HIC2: variants seen among roughly 807,000 people sequenced by gnomAD.
HIC2 encodes HIC ZBTB transcriptional repressor 2.
A neutral mutation model predicts 39.5 loss-of-function variants in HIC2; 2 were observed. The observed-to-expected ratio is 0.05, with a 90% CI of 0.02 to 0.16. The LOEUF (loss-of-function observed/expected upper bound fraction) is 0.16. Among genes scored for constraint, HIC2 ranks in the 10% least tolerant of loss-of-function variants. HIC2 has a pLI of 1.00. For missense variants in HIC2, 713 were observed against 863.5 expected, an observed-to-expected ratio of 0.83 and a Z score of 2.18; for synonymous variants, 399 against 368.8, an observed-to-expected ratio of 1.08 and a Z score of -0.94.
intron 2 of HIC2, among the ~76,000 whole-genome samples, chr22:21,443,296 C>T (rs1386178985): frequency 6.6e-5 from 10 of 152,216 alleles, no homozygotes; most frequent in African/African-American, 9.7e-5. Flanking sequence ...CTCTGAGTGC[C>T]AGCGGTGTTC....
rs1057295100 is a variant in HIC2 at position 21,446,327 on chromosome 22, G to A, written c.1432G>A (p.Glu478Lys). The change falls in exon 3 of 3, where the codon GAG becomes AAG. Residue 478 changes from glutamate (E) to lysine (K), a missense_variant. By Grantham distance (56) the Glu-to-Lys change is moderately conservative. Coordinates refer to ENST00000407464, the MANE Select transcript of HIC2 (RefSeq NM_015094.3). Reference sequence around the variant, plus strand: ...GTTCATCAAGGAAGAGGGGGCCTACGAGACAGGCAGTGGGGGTGCCGAGGA... The same window carrying A: ...GTTCATCAAGGAAGAGGGGGCCTACAAGACAGGCAGTGGGGGTGCCGAGGA... ...ELFIKEEGAY[E>K]TGSGGAEEEA... 2.2e-5 allele frequency: 36 copies of A among 1,613,122 alleles called. No individual in the cohort carries two copies. Among genetic ancestry groups the A allele is most frequent in the Middle Eastern group, 1.6e-4 (1 of 6,078 alleles).
intron 2 of HIC2, among the ~76,000 whole-genome samples, 155 bp downstream of exon 2, chr22:21,443,012 C>T (rs1923601395): frequency 6.6e-6 from 1 of 152,026 alleles, no homozygotes; most frequent in African/African-American, 2.4e-5. Flanking sequence ...AGGCCACTGC[C>T]CTCTTCCAGT....
chr22:21,444,811 T>G (rs1218234914), intron 2 of HIC2, 111 bp from the exon 3 acceptor site: 1 of 1,215,700 alleles, frequency 8.2e-7, no homozygotes, highest in Non-Finnish European at 1.1e-6. Context: ...GCTCCTGCCC[T>G]ATGTGGGGTC....
rs2148343414 is a variant in HIC2 at position 21,445,982 on chromosome 22, G to A, written c.1087G>A (p.Gly363Arg). 2 of 1,563,668 alleles carry A rather than the reference G, an allele frequency of 1.3e-6. No homozygotes were observed. The highest frequency in any genetic ancestry group is 1.4e-5 in the African/African-American group (1 of 73,506). Residue 363 changes from glycine (G) to arginine (R), a missense_variant, in exon 3 of 3, where the codon GGA becomes AGA. Coordinates refer to ENST00000407464, the MANE Select transcript of HIC2 (RefSeq NM_015094.3). ...REAGPKGPCP[G>R]EEGEGVGDRV... Reference sequence around the variant, plus strand: ...AGCAGGGCCCAAGGGTCCCTGCCCGGGAGAGGAGGGTGAGGGGGTCGGGGA... The same window carrying A: ...AGCAGGGCCCAAGGGTCCCTGCCCGAGAGAGGAGGGTGAGGGGGTCGGGGA...
intron 2 of HIC2, among the ~76,000 whole-genome samples, chr22:21,443,300 G>A (rs958478880): frequency 1.3e-5 from 2 of 152,170 alleles, no homozygotes. Context: ...GAGTGCCAGC[G>A]GTGTTCCAGG....
In HIC2 at chr22:21,445,455, C is replaced by T. The variant is rs761486610; in HGVS notation, c.560C>T (p.Ala187Val). Residue 187 changes from alanine to valine, a missense_variant, in exon 3 of 3, where the codon GCC becomes GTC. Around this residue, in one of 5 missense-constraint regions of HIC2, gnomAD observed 457 missense variants for 420.2 expected, o/e 1.09. Transcript: ENST00000407464. ...GTGGATGGGCGCAAGGGGGCCCACG[C>T]CCCCCAGGAGCTCCCCCAAGCCAAA... is the stretch of plus-strand genomic sequence containing the variant. ...GLVDGRKGAH[A>V]PQELPQAKGS... is the part of the protein sequence containing the mutation. The T allele has an allele frequency of 9.4e-5, 145 of 1,537,488 alleles. No individual in the cohort carries two copies. Among genetic ancestry groups the T allele is most frequent in the Non-Finnish European group, 2.4e-5 (28 of 1,148,526 alleles).
rs1313828501 is a variant in HIC2, at chr22:21,451,451, G to A, written c.*4708G>A. On this transcript the variant is annotated 3_prime_UTR_variant, in exon 3 of 3. Transcript: ENST00000407464. Reference sequence around the variant, plus strand: ...TTATTTTATGATCTTTTCATTAAAAGCTTGATTGAAAACTCTGGTGTGGGA... The same window carrying A: ...TTATTTTATGATCTTTTCATTAAAAACTTGATTGAAAACTCTGGTGTGGGA... The A allele has an allele frequency of 3.3e-5, 5 of 152,868 alleles. No homozygotes were observed. Among genetic ancestry groups the A allele is most frequent in the African/African-American group, 1.2e-4 (5 of 41,560 alleles). The allele number at this position is 152,868 out of a possible 1,614,324, so 9.5% of individuals were successfully genotyped here.
rs748652423 is a variant in HIC2, at chr22:21,446,626, G to C, written c.1731G>C (p.Thr577=). The C allele has an allele frequency of 6.2e-7, 1 of 1,613,760 alleles. No individual in the cohort carries two copies. Among genetic ancestry groups the C allele is most frequent in the Non-Finnish European group, 8.5e-7 (1 of 1,180,018 alleles). The part of the protein sequence containing the change: ...GMRFTRQYRL[T]EHMRVHSGEK... The stretch of plus-strand genomic sequence containing the variant: ...GCTTCACCCGTCAGTACCGCCTCAC[G>C]GAGCACATGCGTGTGCACTCGGGCG... Residue 577 remains threonine (T), a synonymous_variant, in exon 3 of 3, where the codon ACG becomes ACC. Coordinates refer to ENST00000407464, the MANE Select transcript of HIC2 (RefSeq NM_015094.3).
intron 1 of HIC2, 129 bp downstream of exon 1, chr22:21,417,689 G>T (rs1338137941): frequency 9.6e-5 from 14 of 146,048 alleles, no homozygotes; most frequent in Non-Finnish European, 2.1e-4. Context: ...TGCGCGCGTG[G>T]GGGACGCGCT....
chr22:21,450,825 C>A lies in HIC2; in HGVS notation c.*4082C>A, dbSNP rs1601343550. ...GCATGAGCGGTGGGAACTGAGGCTG[C>A]CCAGGACCCCCTTCCTAGGATGCCC... On this transcript the variant is annotated 3_prime_UTR_variant, in exon 3 of 3. Coordinates refer to ENST00000407464, the MANE Select transcript of HIC2 (RefSeq NM_015094.3). The A allele has an allele frequency of 6.5e-6, 1 of 152,730 alleles. No homozygotes were observed. The highest frequency in any genetic ancestry group is 1.5e-5 in the Non-Finnish European group (1 of 68,044). 9.5% of individuals were successfully genotyped at this position (152,730 alleles called of 1,614,324 possible). A position where few individuals can be genotyped will look rare whatever the true frequency, so the allele number is the denominator to read the frequency against.
At position 21,446,310 on chromosome 22, in the gene HIC2, A is replaced by C; in HGVS notation, c.1415A>C (p.Lys472Thr). 6.2e-7 allele frequency: 1 copy of C among 1,613,288 alleles called. No homozygotes were observed. The highest frequency in any genetic ancestry group is 8.5e-7 in the Non-Finnish European group (1 of 1,179,982). ...ETHTEEELFI[K>T]EEGAYETGSG... ...CACACGGAGGAAGAGCTGTTCATCA[A>C]GGAAGAGGGGGCCTACGAGACAGGC... Residue 472 changes from lysine (K) to threonine (T), a missense_variant, in exon 3 of 3, where the codon AAG (lysine) becomes ACG (threonine). Transcript: ENST00000407464.
At position 21,447,065 on chromosome 22, in the gene HIC2, T is replaced by G; in HGVS notation, c.*322T>G. The G allele has an allele frequency of 6.0e-6, 2 of 334,204 alleles. No individual in the cohort carries two copies. Among genetic ancestry groups the G allele is most frequent in the East Asian group, 5.6e-5 (1 of 17,988 alleles). The allele number at this position is 334,204 out of a possible 1,614,324, so 20.7% of individuals were successfully genotyped here. A position where few individuals can be genotyped will look rare whatever the true frequency, so the allele number is the denominator to read the frequency against. ...CCTGGTCCCTTTGTTGCAGGCGGCT[T>G]GGAGAAAGGGCAGTGGGACGCTGGC... On this transcript the variant is annotated 3_prime_UTR_variant, in exon 3 of 3. Coordinates refer to ENST00000407464, the MANE Select transcript of HIC2 (RefSeq NM_015094.3).
chr22:21,450,050 C>T lies in HIC2; in HGVS notation c.*3307C>T, dbSNP rs970323455. On this transcript the variant is annotated 3_prime_UTR_variant, in exon 3 of 3. Transcript: ENST00000407464. ...GCGGAAGGGGCTGACTGGGTCTGGT[C>T]CTTACCAACATAGACGGTGCAAACA... 3 of 152,776 alleles carry T rather than the reference C, an allele frequency of 2.0e-5. No individual in the cohort carries two copies. Among genetic ancestry groups the T allele is most frequent in the African/African-American group, 7.2e-5 (3 of 41,446 alleles). 9.5% of individuals were successfully genotyped at this position (152,776 alleles called of 1,614,324 possible).
rs1022669191 is a variant in HIC2, at chr22:21,450,326, C to G, written c.*3583C>G. 2 of 152,844 alleles carry G rather than the reference C, an allele frequency of 1.3e-5. No individual in the cohort carries two copies. Among genetic ancestry groups the G allele is most frequent in the African/African-American group, 2.4e-5 (1 of 41,462 alleles). 9.5% of individuals were successfully genotyped at this position (152,844 alleles called of 1,614,324 possible). ...ACCTCAGCCTGTGAAATGAACGATC[C>G]GGACCCTCACCAACTTTCCCCACCT... On this transcript the variant is annotated 3_prime_UTR_variant, in exon 3 of 3. Coordinates refer to ENST00000407464, the MANE Select transcript of HIC2 (RefSeq NM_015094.3).
At position 21,449,443 on chromosome 22, in the gene HIC2, T is replaced by C. The variant is rs1267338420; in HGVS notation, c.*2700T>C. On this transcript the variant is annotated 3_prime_UTR_variant, in exon 3 of 3. Coordinates refer to ENST00000407464, the MANE Select transcript of HIC2 (RefSeq NM_015094.3). ...GAAAAAAGAAAAAAAAATAAGCTCATACCCAAATTCACAAAGCCTATTTTT... is the reference window on the plus strand; with the variant it reads ...GAAAAAAGAAAAAAAAATAAGCTCACACCCAAATTCACAAAGCCTATTTTT... 6.5e-6 allele frequency: 1 copy of C among 152,754 alleles called. No homozygotes were observed. Among genetic ancestry groups the C allele is most frequent in the African/African-American group, 2.4e-5 (1 of 41,448 alleles). The allele number at this position is 152,754 out of a possible 1,614,324, so 9.5% of individuals were successfully genotyped here.
At chr22:21,443,259 G>A (rs907090552) in intron 2 of HIC2, among the ~76,000 whole-genome samples, 2 of 152,162 alleles carry the variant, frequency 1.3e-5, no homozygotes, top group East Asian at 1.9e-4. Context: ...AGCCGCTGGC[G>A]GGTGCTTGCT....
rs1361193353 is a variant in HIC2 at position 21,445,963 on chromosome 22, G to T, written c.1068G>T (p.Gly356=). 2.6e-6 allele frequency: 4 copies of T among 1,564,628 alleles called. No individual in the cohort carries two copies. The highest frequency in any genetic ancestry group is 4.0e-5 in the Admixed American group (2 of 50,260). Residue 356 remains glycine, a synonymous_variant, in exon 3 of 3, where the codon GGG becomes GGT. Transcript: ENST00000407464. ...CCCCCTTTGAGCGGAGAGAAGCAGG[G>T]CCCAAGGGTCCCTGCCCGGGAGAGG... ...AGSPFERREA[G]PKGPCPGEEG...
Position 21,445,581 on chromosome 22 carries a change from G to A in HIC2, c.686G>A (p.Gly229Asp). The stretch of plus-strand genomic sequence containing the variant: ...GCTGGCGGGGAGGCGGGTCTGGGGG[G>A]CTGCAGCAGCAGCACCAACGGGAGC... ...CPAGGEAGLG[G>D]CSSSTNGSSG... Residue 229 changes from glycine (G) to aspartate (D), a missense_variant, in exon 3 of 3, where the codon GGC becomes GAC. This residue lies in a region of HIC2 where 457 missense variants were observed against 420.2 expected (regional missense o/e 1.09). Coordinates refer to ENST00000407464, the MANE Select transcript of HIC2 (RefSeq NM_015094.3). The A allele has an allele frequency of 9.5e-6, 15 of 1,586,926 alleles. No individual in the cohort carries two copies. Among genetic ancestry groups the A allele is most frequent in the Middle Eastern group, 1.7e-4 (1 of 5,900 alleles).
At chr22:21,425,739 G>A (rs1480053699) in intron 1 of HIC2, among the ~76,000 whole-genome samples, 7 of 144,240 alleles carry the variant, frequency 4.9e-5, no homozygotes, top group Non-Finnish European at 7.5e-5. Flanking sequence ...TTGAGACGGA[G>A]TCTTTCCCTG....
Sources: allele counts gnomAD v4.1 joint callset (sites outside exome capture counted in the v4.1 genomes callset), GRCh38; gene constraint gnomAD v4.1.1; regional missense constraint gnomAD v4.1.1; transcripts MANE v1.5; gene names NCBI Gene and HGNC (gene_info 2026-07-23, HGNC 2026-07-21).